Variants in ABLIM1 observed in about 807,000 individuals in gnomAD.
ABLIM1 encodes actin-binding LIM protein 1.
In ABLIM1, 40 loss-of-function variants were observed where a neutral mutation model predicts 107.0. That is an observed-to-expected ratio of 0.37 (90% confidence interval 0.29 to 0.49). The LOEUF (loss-of-function observed/expected upper bound fraction) is 0.49. ABLIM1 is among the 20% of genes least tolerant of loss of function. The pLI is 0.97. For missense variants in ABLIM1, 857 were observed against 1,008.5 expected (o/e 0.85, Z 2.04); for synonymous variants, 357 against 357.3 (o/e 1.00, Z 0.01).
intron 1 of ABLIM1, among the ~76,000 whole-genome samples, chr10:114,627,415 G>A (rs2077884526): frequency 6.6e-6 from 1 of 152,118 alleles, no homozygotes; most frequent in Non-Finnish European, 1.5e-5. Context: ...CATAATATTA[G>A]TTATTTGTGA....
chr10:114,460,879 C>T (rs1335739365), intron 12 of ABLIM1, among the ~76,000 whole-genome samples: 1 of 152,194 alleles, frequency 6.6e-6, no homozygotes, highest in Non-Finnish European at 1.5e-5. Context: ...CATTTATGGA[C>T]ACTTTGTGCT....
At chr10:114,694,369 T>C (rs887029493) in intron 1 of ABLIM1, among the ~76,000 whole-genome samples, 2 of 152,176 alleles carry the variant, frequency 1.3e-5, no homozygotes, top group African/African-American at 4.8e-5. Context: ...GAAGGGAGGC[T>C]CTACATTTTC....
At chr10:114,611,969 T>C (rs1268679796) in intron 1 of ABLIM1, among the ~76,000 whole-genome samples, 1 of 152,156 alleles carries the variant, frequency 6.6e-6, no homozygotes, top group Non-Finnish European at 1.5e-5. Flanking sequence ...ATTAGGGGAC[T>C]GGATTCCCAG....
chr10:114,693,504 C>T (rs868831092), intron 1 of ABLIM1, among the ~76,000 whole-genome samples: 6 of 152,208 alleles, frequency 3.9e-5, no homozygotes, highest in African/African-American at 7.2e-5. Context: ...CCCTACAGGA[C>T]GTGTCCCTGT....
Position 114,473,098 on chromosome 10 carries a change from T to G in ABLIM1, c.1154A>C (p.Asp385Ala). Reference sequence around the variant, plus strand: ...CTTGACCTTCGGAATGGCTGCTAAATCCTTGTAATCCAGGATCTCATTGTC... The same window carrying G: ...CTTGACCTTCGGAATGGCTGCTAAAGCCTTGTAATCCAGGATCTCATTGTC... ...KVDNEILDYKDLAAIPKVKAI... is the reference protein window; with the variant it reads ...KVDNEILDYKALAAIPKVKAI... The change falls in exon 10 of 23, where the codon GAT (aspartate) becomes GCT (alanine). Residue 385 changes from aspartate to alanine, a missense_variant. By Grantham distance (126) the Asp-to-Ala change is moderately radical. Transcript: ENST00000533213. 1 of 1,612,794 alleles carries G rather than the reference T, an allele frequency of 6.2e-7. No individual in the cohort carries two copies. The highest frequency in any genetic ancestry group is 8.5e-7 in the Non-Finnish European group (1 of 1,179,344).
chr10:114,451,842 G>A (rs1005480703), intron 13 of ABLIM1, among the ~76,000 whole-genome samples, 171 bp from the exon 14 acceptor site: 6 of 152,192 alleles, frequency 3.9e-5, no homozygotes, highest in Non-Finnish European at 8.8e-5. Flanking sequence ...ATAGAAATGA[G>A]TGGCTTACTA....
intron 1 of ABLIM1, among the ~76,000 whole-genome samples, chr10:114,693,356 G>A (rs2081123625): frequency 7.6e-6 from 1 of 132,390 alleles, no homozygotes; most frequent in African/African-American, 2.6e-5. Context: ...TTTTAAAAAG[G>A]AGGAAAATGA....
chr10:114,709,327 A>G (rs2081494045), intron 1 of ABLIM1, among the ~76,000 whole-genome samples: 1 of 152,222 alleles, frequency 6.6e-6, no homozygotes, highest in African/African-American at 2.4e-5. Flanking sequence ...CGTATAAAGC[A>G]GAAAGCTGGT....
chr10:114,684,677 C>T (rs746589357), exon 1 of ABLIM1: 7 of 1,105,028 alleles, frequency 6.3e-6, no homozygotes, highest in Non-Finnish European at 7.7e-6. Context: ...TGAAAACACT[C>T]GTTTCTGGGA....
intron 4 of ABLIM1, among the ~76,000 whole-genome samples, chr10:114,551,058 C>G (rs556731191): frequency 4.8e-4 from 73 of 152,292 alleles, no homozygotes; most frequent in African/African-American, 1.7e-3. Context: ...GTAGGAGCAG[C>G]ATGGGCATTG....
intron 6 of ABLIM1, among the ~76,000 whole-genome samples, chr10:114,496,195 A>AT (rs2059641975): frequency 6.6e-6 from 1 of 152,240 alleles, no homozygotes; most frequent in Non-Finnish European, 1.5e-5. Context: ...ACATCAACTT[A>AT]TAAGAGTTCT....
At chr10:114,564,924 T>C (rs935369382) in intron 4 of ABLIM1, among the ~76,000 whole-genome samples, 2 of 152,246 alleles carry the variant, frequency 1.3e-5, no homozygotes, top group Non-Finnish European at 2.9e-5. Flanking sequence ...GTGCTTCCTA[T>C]GTGTCACCAA....
At chr10:114,678,169 T>G (rs958699212) in intron 1 of ABLIM1, among the ~76,000 whole-genome samples, 5 of 151,970 alleles carry the variant, frequency 3.3e-5, no homozygotes, top group Admixed American at 6.6e-5. Flanking sequence ...TTTTCCTCAT[T>G]CTCCAGCTAA....
chr10:114,563,040 G>A (rs1320021505), intron 4 of ABLIM1, among the ~76,000 whole-genome samples: 1 of 152,140 alleles, frequency 6.6e-6, no homozygotes, highest in Non-Finnish European at 1.5e-5. Context: ...AAATTTAAGG[G>A]TTTCAGCCTT....
intron 1 of ABLIM1, among the ~76,000 whole-genome samples, chr10:114,737,041 T>C (rs1461634384): frequency 1.3e-5 from 2 of 151,988 alleles, no homozygotes; most frequent in Non-Finnish European, 2.9e-5. Context: ...ATATAAAAAT[T>C]AGCTGGGTGT....
At chr10:114,704,829 G>C (rs1003074497) in intron 1 of ABLIM1, among the ~76,000 whole-genome samples, 1 of 152,110 alleles carries the variant, frequency 6.6e-6, no homozygotes, top group African/African-American at 2.4e-5. Context: ...CTCTAATAAG[G>C]CGTCAAGCCC....
At chr10:114,678,319 G>A (rs910842996) in intron 1 of ABLIM1, among the ~76,000 whole-genome samples, 3 of 152,196 alleles carry the variant, frequency 2.0e-5, no homozygotes, top group Non-Finnish European at 4.4e-5. Flanking sequence ...ACATTAACCT[G>A]TTGGCAAATT....
chr10:114,466,358 G>GAT (rs749323167), intron 11 of ABLIM1, among the ~76,000 whole-genome samples: 9 of 152,094 alleles, frequency 5.9e-5, no homozygotes, highest in Non-Finnish European at 1.3e-4. Context: ...CCTTAATAGA[G>GAT]ATAGGGCTAT....
intron 8 of ABLIM1, among the ~76,000 whole-genome samples, chr10:114,475,351 T>C (rs570060479): frequency 7.2e-5 from 11 of 152,324 alleles, no homozygotes; most frequent in Non-Finnish European, 1.3e-4. Context: ...CAGAGTTGGT[T>C]CCCCATGTTG....
Sources: allele counts gnomAD v4.1 joint callset (sites outside exome capture counted in the v4.1 genomes callset), GRCh38; gene constraint gnomAD v4.1.1; transcripts MANE v1.5; gene names NCBI Gene and HGNC (gene_info 2026-07-23, HGNC 2026-07-21).